The following CRHBP variants were observed in gnomAD, a reference collection of about 807,000 sequenced individuals.
CRHBP encodes corticotropin-releasing hormone-binding protein.
Under a neutral mutation model 34.9 loss-of-function variants are expected in CRHBP, and 19 were observed. The ratio of observed to expected loss-of-function variants is 0.55; its 90% confidence interval spans 0.38 to 0.80. CRHBP has a LOEUF of 0.80. Ranked by LOEUF, CRHBP falls within the 30% of genes least tolerant of loss-of-function variation. The probability of loss-of-function intolerance (pLI) is 0.00; values close to 1 mark genes in which losing one functional copy is unlikely to be tolerated. For synonymous variants in CRHBP, 154 were observed against 153.4 expected (o/e 1.00, Z -0.03); for missense variants, 328 against 409.2 (o/e 0.80, Z 1.71).
At position 76,968,880 on chromosome 5, in the gene CRHBP, C is replaced by G. The variant is rs1281700502; in HGVS notation, c.964C>G (p.Leu322Val). 3.1e-6 allele frequency: 5 copies of G among 1,612,794 alleles called. No homozygotes were observed. The highest frequency in any genetic ancestry group is 4.2e-6 in the Non-Finnish European group (5 of 1,179,366). The change falls in exon 7 of 7, where the codon CTT becomes GTT. Residue 322 changes from leucine (L) to valine (V), a missense_variant. Leu to Val is a conservative substitution (Grantham distance 32). Around this residue, in one of 3 missense-constraint regions of CRHBP, gnomAD observed 144 missense variants for 216.7 expected, o/e 0.66. Coordinates refer to ENST00000274368, the MANE Select transcript of CRHBP (RefSeq NM_001882.4). ...TATCGGGGAATTCTGTTTGTCTGGT[C>G]TTTGAATAACCAACCCAGTGATTTA... ...NSIGEFCLSGL is the reference protein window; with the variant it reads ...NSIGEFCLSGV
At position 76,963,456 on chromosome 5, in the gene CRHBP, C is replaced by T. The variant is rs1745812082; in HGVS notation, c.807C>T (p.Gly269=). Residue 269 remains glycine, a synonymous_variant, in exon 6 of 7, where the codon GGC becomes GGT. Coordinates refer to ENST00000274368, the MANE Select transcript of CRHBP (RefSeq NM_001882.4). ...PLADLCYPFH[G]PAQMKVGCDN... Reference sequence around the variant, plus strand: ...CTGATCTCTGCTACCCCTTTCATGGCCCGGGTGAGGTATTTCTTTGATTGT... The same window carrying T: ...CTGATCTCTGCTACCCCTTTCATGGTCCGGGTGAGGTATTTCTTTGATTGT... The T allele has an allele frequency of 6.2e-7, 1 of 1,612,058 alleles. No individual in the cohort carries two copies.
chr5:76,972,848 CCT>C (rs1034578905), downstream of CRHBP, among the ~76,000 whole-genome samples: 3 of 152,182 alleles, frequency 2.0e-5, no homozygotes, highest in African/African-American at 7.2e-5. Context: ...CACTTTACAA[CCT>C]CTCTTACAGT....
At chr5:76,961,506 C>T (rs1001779814) in intron 5 of CRHBP, among the ~76,000 whole-genome samples, 1 of 152,096 alleles carries the variant, frequency 6.6e-6, no homozygotes, top group Non-Finnish European at 1.5e-5. Context: ...TTGCTTATTC[C>T]ACTCTCAATA....
At chr5:76,978,018 T>C (rs1337725063) in intron 3 of CRHBP, among the ~76,000 whole-genome samples, 2 of 152,060 alleles carry the variant, frequency 1.3e-5, no homozygotes, top group Non-Finnish European at 2.9e-5. Flanking sequence ...CAAAACCTAA[T>C]CCAGAGCAAG....
Position 76,953,632 on chromosome 5 carries a change from T to G in CRHBP, c.113T>G (p.Leu38Arg), listed in dbSNP as rs771552879. 3 of 1,612,924 alleles carry G rather than the reference T, an allele frequency of 1.9e-6. No individual in the cohort carries two copies. The Admixed American group carries it at 5.0e-5, about 27-fold the overall frequency. Residue 38 changes from leucine (L) to arginine (R), a missense_variant, in exon 2 of 7, where the codon CTG becomes CGG. Physicochemically the swap from Leu to Arg is moderately radical, Grantham distance 102. Transcript: ENST00000274368. ...LREAADYDPF[L>R]LFSANLKREL... Reference sequence around the variant, plus strand: ...GAAGCGGCGGACTACGATCCTTTCCTGCTCTTCAGCGCCAACCTGAAGCGG... The same window carrying G: ...GAAGCGGCGGACTACGATCCTTTCCGGCTCTTCAGCGCCAACCTGAAGCGG...
intron 5 of CRHBP, among the ~76,000 whole-genome samples, chr5:76,962,373 G>A: frequency 6.6e-6 from 1 of 152,150 alleles, no homozygotes; most frequent in East Asian, 1.9e-4. Flanking sequence ...TGGCATACTT[G>A]TGAGACTGCC....
At chr5:76,958,404 T>C (rs754543078) in intron 4 of CRHBP, among the ~76,000 whole-genome samples, 1 of 152,240 alleles carries the variant, frequency 6.6e-6, no homozygotes, top group African/African-American at 2.4e-5. Context: ...AGCTGGACTC[T>C]AGTTAACTCA....
At chr5:76,965,624 GATA>G in intron 6 of CRHBP, among the ~76,000 whole-genome samples, 1 of 152,134 alleles carries the variant, frequency 6.6e-6, no homozygotes. Flanking sequence ...TTACAATTTA[GATA>G]ATTGAAGCCA....
rs1715771 is a variant in CRHBP at position 76,953,711 on chromosome 5, C to G, written c.175+17C>G. On this transcript the variant is annotated intron_variant, in intron 2 of 6. Transcript: ENST00000274368. ...GCGCTCTGCGTGAGTCGAGGCTGCC[C>G]GGCTCGCGGGCGCCCGGGACGCGGG... 782,845 of 1,593,500 alleles carry G rather than the reference C, an allele frequency of 0.49. 199,930 individuals are homozygous for G. Among genetic ancestry groups the G allele is most frequent in the South Asian group, 0.62 (54,883 of 88,522 alleles).
chr5:76,975,637 T>C (rs1416196005), intron 2 of CRHBP, among the ~76,000 whole-genome samples: 1 of 150,560 alleles, frequency 6.6e-6, no homozygotes, highest in Non-Finnish European at 1.5e-5. Context: ...ACCCCATCTC[T>C]ACTAAAAATA....
downstream of CRHBP, among the ~76,000 whole-genome samples, chr5:76,970,381 G>A (rs1745927910): frequency 6.6e-6 from 1 of 151,838 alleles, no homozygotes; most frequent in African/African-American, 2.4e-5. Flanking sequence ...CTATACACTG[G>A]GCTTGTTCAC....
chr5:76,980,496 A>C (rs528727923), intron 3 of CRHBP, among the ~76,000 whole-genome samples: 44 of 152,304 alleles, frequency 2.9e-4, no homozygotes, highest in African/African-American at 8.9e-4. Flanking sequence ...TATTTGTCTG[A>C]AGATTTTGTA....
intron 3 of CRHBP, among the ~76,000 whole-genome samples, chr5:76,979,549 C>A (rs1379096776): frequency 1.3e-5 from 2 of 151,904 alleles, no homozygotes; most frequent in Non-Finnish European, 2.9e-5. Context: ...CGGTGTTTCA[C>A]CATGTTGGCC....
rs188343720 is a variant in CRHBP at position 76,957,279 on chromosome 5, G to A, written c.544+1416G>A. Among the ~76,000 whole-genome samples the A allele has an allele frequency of 1.1e-3, 162 of 152,210 alleles. 1 individual carries two copies. The highest frequency in any genetic ancestry group is 4.2e-3 in the Admixed American group (64 of 15,292). ...GTATAATTAAAAATATGAAAAGGAG[G>A]CAAGAGGTGTTTCTGATCTGTTCTG... On this transcript the variant is annotated intron_variant, in intron 4 of 6. Coordinates refer to ENST00000274368, the MANE Select transcript of CRHBP (RefSeq NM_001882.4).
At chr5:76,973,099 A>G (rs935381733), downstream of CRHBP, among the ~76,000 whole-genome samples, 1 of 152,198 alleles carries the variant, frequency 6.6e-6, no homozygotes, top group Non-Finnish European at 1.5e-5. Flanking sequence ...TCCACATTGG[A>G]CTTTGTATGA....
chr5:76,964,713 A>G (rs1305314244), intron 6 of CRHBP, among the ~76,000 whole-genome samples: 1 of 152,106 alleles, frequency 6.6e-6, no homozygotes, highest in East Asian at 1.9e-4. Context: ...AAAATTAGCC[A>G]GGCATCGTGG....
chr5:76,966,292 A>G (rs1035237182), intron 6 of CRHBP, among the ~76,000 whole-genome samples: 1 of 152,220 alleles, frequency 6.6e-6, no homozygotes, highest in Admixed American at 6.5e-5. Context: ...TGCTGGGATT[A>G]CAGGTGTGAG....
chr5:76,966,087 C>T (rs767651432), intron 6 of CRHBP, among the ~76,000 whole-genome samples: 10 of 152,132 alleles, frequency 6.6e-5, no homozygotes, highest in Admixed American at 2.0e-4. Flanking sequence ...GGTGCGATCT[C>T]GGCTCACCGC....
intron 3 of CRHBP, among the ~76,000 whole-genome samples, chr5:76,977,277 C>T (rs1746047024): frequency 6.6e-6 from 1 of 152,200 alleles, no homozygotes; most frequent in Non-Finnish European, 1.5e-5. Flanking sequence ...ATACGAAGTA[C>T]AGGCATACCT....
Sources: gnomAD v4.1 joint callset for allele counts (sites outside exome capture counted in the v4.1 genomes callset) on GRCh38, gnomAD v4.1.1 for gene constraint, gnomAD v4.1.1 regional missense constraint, MANE v1.5 for transcripts, NCBI Gene and HGNC (gene_info 2026-07-23, HGNC 2026-07-21) for gene names.